The following STARD13 variants were observed in gnomAD, a reference collection of about 807,000 sequenced individuals.
STARD13 encodes the protein stAR-related lipid transfer protein 13.
STARD13 carries 62 observed loss-of-function variants against 106.4 expected under a neutral mutation model. The observed-to-expected ratio is 0.58, with a 90% confidence interval of 0.48 to 0.72. The LOEUF (loss-of-function observed/expected upper bound fraction) is 0.72. Among genes scored for constraint, STARD13 ranks in the 30% least tolerant of loss-of-function variants. The pLI is 0.00. For synonymous variants in STARD13, 565 were observed against 553.0 expected (o/e 1.02, Z -0.31); for missense variants, 1,387 against 1,424.0 (o/e 0.97, Z 0.42).
chr13:33,252,344 T>A (rs924634623), intron 1 of STARD13, among the ~76,000 whole-genome samples: 1 of 152,216 alleles, frequency 6.6e-6, no homozygotes, highest in Non-Finnish European at 1.5e-5. Flanking sequence ...GGAGCAGTGA[T>A]AACAGAGTGC....
chr13:33,642,474 G>A, the STARD13 span, among the ~76,000 whole-genome samples: 2 of 152,232 alleles, frequency 1.3e-5, no homozygotes, highest in Non-Finnish European at 2.9e-5. Context: ...GGTCACTCAA[G>A]AGTCAGGCAC....
intron 1 of STARD13, among the ~76,000 whole-genome samples, chr13:33,204,046 G>C (rs1386962001): frequency 6.6e-6 from 1 of 152,184 alleles, no homozygotes; most frequent in Non-Finnish European, 1.5e-5. Flanking sequence ...CATAAAGGTA[G>C]TATCTGAAAT....
upstream of STARD13, among the ~76,000 whole-genome samples, chr13:33,286,863 C>T (rs1566119319): frequency 6.6e-6 from 1 of 150,826 alleles, no homozygotes; most frequent in Non-Finnish European, 1.5e-5. Flanking sequence ...TATATATATA[C>T]GTGTATATAT....
At chr13:33,479,607 A>T in the STARD13 span, among the ~76,000 whole-genome samples, 3 of 152,226 alleles carry the variant, frequency 2.0e-5, no homozygotes, top group African/African-American at 7.2e-5. Context: ...TGGAGTTGAC[A>T]CAGATGTATT....
chr13:33,163,652 AT>A (rs1309295026), intron 3 of STARD13, among the ~76,000 whole-genome samples: 2,783 of 133,318 alleles, frequency 0.021, 58 homozygotes, highest in Non-Finnish European at 0.034. Flanking sequence ...ATATATATAT[AT>A]AAAACATATA....
intron 1 of STARD13, chr13:33,186,074 T>A: frequency 2.5e-6 from 4 of 1,603,190 alleles, no homozygotes; most frequent in Non-Finnish European, 3.4e-6. Context: ...CTCTCTCATG[T>A]TTCCGGTTGC....
the STARD13 span, among the ~76,000 whole-genome samples, chr13:33,456,116 T>C: frequency 6.6e-6 from 1 of 152,218 alleles, no homozygotes; most frequent in African/African-American, 2.4e-5. Context: ...TTTCAAGCTA[T>C]ATATGTATCA....
At position 33,308,520 on chromosome 13, in the gene STARD13, CTTTTTTTTT is replaced by C. The variant is rs552526416; in HGVS notation, c.124+41761_124+41769del. 6.1e-3 allele frequency among the ~76,000 whole-genome samples: 539 copies of C among 88,608 alleles called. 2 individuals are homozygous for C. The highest frequency in any genetic ancestry group is 9.1e-3 in the Non-Finnish European group (429 of 47,210). The allele number at this position is 88,608 out of a possible 152,430, so 58.1% of individuals were successfully genotyped here. On this transcript the variant is annotated intron_variant, in intron 1 of 5. Coordinates refer to the STARD13 transcript ENST00000567873. The stretch of plus-strand genomic sequence containing the variant: ...TCCTTTTTTCTTTTTCTTTTTCTTT[CTTTTTTTTT>C]TTTTTTTTTTTGAGTTTGAGTTTCG...
chr13:33,192,367 T>C (rs115181209), intron 1 of STARD13, among the ~76,000 whole-genome samples: 274 of 152,356 alleles, frequency 1.8e-3, no homozygotes, highest in Middle Eastern at 0.01. Context: ...TGTGAGAATG[T>C]TGCAGGTTTC....
the STARD13 span, among the ~76,000 whole-genome samples, chr13:33,674,707 T>A: frequency 1.3e-5 from 2 of 152,038 alleles, no homozygotes; most frequent in Admixed American, 1.3e-4. Flanking sequence ...GAAAGTGTCA[T>A]CTTTAGTAAA....
At chr13:33,363,090 C>T in the STARD13 span, among the ~76,000 whole-genome samples, 1 of 152,240 alleles carries the variant, frequency 6.6e-6, no homozygotes, top group African/African-American at 2.4e-5. Context: ...TGGGCCAAGT[C>T]ACTATCACTG....
intron 1 of STARD13, among the ~76,000 whole-genome samples, chr13:33,300,854 T>C (rs1418468523): frequency 6.6e-6 from 1 of 152,224 alleles, no homozygotes; most frequent in African/African-American, 2.4e-5. Context: ...AGCCTCCTTC[T>C]TGGTCTCTGT....
At chr13:33,144,430 G>A (rs1266994044) in intron 3 of STARD13, among the ~76,000 whole-genome samples, 1 of 152,150 alleles carries the variant, frequency 6.6e-6, no homozygotes, top group Non-Finnish European at 1.5e-5. Flanking sequence ...TCAAGAGTCA[G>A]GCATCAGCCT....
chr13:33,213,114 G>A (rs1162501886), intron 1 of STARD13, among the ~76,000 whole-genome samples: 1 of 152,178 alleles, frequency 6.6e-6, no homozygotes, highest in African/African-American at 2.4e-5. Flanking sequence ...CTCTGACAAT[G>A]AACTGTAACA....
At chr13:33,280,019 A>G (rs1780074720) in intron 1 of STARD13, 1 of 152,160 alleles carries the variant, frequency 6.6e-6, no homozygotes, top group South Asian at 2.1e-4. Context: ...TGACTGATGC[A>G]TTCTCAGCCT....
chr13:33,576,962 A>C, the STARD13 span, among the ~76,000 whole-genome samples: 1 of 152,218 alleles, frequency 6.6e-6, no homozygotes, highest in African/African-American at 2.4e-5. Context: ...AGCCGAATGC[A>C]CTGATCTTTA....
the STARD13 span, among the ~76,000 whole-genome samples, chr13:33,564,769 G>A: frequency 7.0e-6 from 1 of 142,684 alleles, no homozygotes; most frequent in Non-Finnish European, 1.5e-5. Flanking sequence ...TGAGGTGGGC[G>A]GATCATGAGG....
chr13:33,663,997 C>A, the STARD13 span, among the ~76,000 whole-genome samples: 1 of 152,178 alleles, frequency 6.6e-6, no homozygotes, highest in Non-Finnish European at 1.5e-5. Context: ...AGGGAAGCAT[C>A]CAAATGCTTC....
chr13:33,434,937 G>GGAAGGAA, the STARD13 span, among the ~76,000 whole-genome samples: 4 of 148,462 alleles, frequency 2.7e-5, no homozygotes, highest in Non-Finnish European at 6.0e-5. Context: ...AAGGAAGGAA[G>GGAAGGAA]GAAGGAAACT....
Sources: allele counts gnomAD v4.1 joint callset (sites outside exome capture counted in the v4.1 genomes callset), GRCh38; gene constraint gnomAD v4.1.1; transcripts MANE v1.5; gene names NCBI Gene and HGNC (gene_info 2026-07-23, HGNC 2026-07-21).